Variants in SPG7 observed in about 807,000 individuals in gnomAD.
SPG7 encodes the protein SPG7 matrix AAA peptidase subunit, paraplegin, also known as mitochondrial inner membrane m-AAA protease component paraplegin.
SPG7 carries 103 observed loss-of-function variants against 81.9 expected under a neutral mutation model. That is an observed-to-expected ratio of 1.26 (90% confidence interval 1.07 to 1.48). The LOEUF is 1.48. Ranked by LOEUF, SPG7 falls within the 40% of genes most tolerant of loss-of-function variation. The pLI is 0.00. For synonymous variants in SPG7, 534 were observed against 444.2 expected (o/e 1.20, Z -2.54); for missense variants, 1,241 against 1,087.3 (o/e 1.14, Z -1.99).
In SPG7 at chr16:89,536,577, G is replaced by C. The variant is rs150127651; in HGVS notation, c.1324+3941G>C. ...TGAGGTGAGGCGGGTGAGGTCAGGT[G>C]AGGCGGGTGAGGTGAGGCAGGTGAG... On this transcript the variant is annotated intron_variant, in intron 9 of 16. Coordinates refer to ENST00000645818, the MANE Select transcript of SPG7 (RefSeq NM_003119.4). Among the ~76,000 whole-genome samples, 3,052 of 143,048 alleles carry C rather than the reference G, an allele frequency of 0.021. 225 individuals carry two copies. Among genetic ancestry groups the C allele is most frequent in the African/African-American group, 0.079 (2,892 of 36,678 alleles). 93.8% of individuals were successfully genotyped at this position (143,048 alleles called of 152,430 possible).
chr16:89,539,338 A>C (rs918448252), intron 9 of SPG7: 2 of 152,032 alleles, frequency 1.3e-5, no homozygotes, highest in African/African-American at 4.8e-5. Context: ...CATCTGTACT[A>C]AAAATACAAA....
Position 89,550,558 on chromosome 16 carries a change from G to T in SPG7, c.1728G>T (p.Ser576=). 3 of 1,614,008 alleles carry T rather than the reference G, an allele frequency of 1.9e-6. No homozygotes were observed. Among genetic ancestry groups the T allele is most frequent in the Non-Finnish European group, 2.5e-6 (3 of 1,180,002 alleles). ...AGAAAGTGGTTGCGTTTCATGAGTCGGGCCACGCCTTGGTGGGCTGGATGC... is the reference window on the plus strand; with the variant it reads ...AGAAAGTGGTTGCGTTTCATGAGTCTGGCCACGCCTTGGTGGGCTGGATGC... ...EEQKVVAFHE[S]GHALVGWMLE... The change falls in exon 13 of 17, where the codon TCG becomes TCT. Residue 576 remains serine, a synonymous_variant. Transcript: ENST00000645818.
chr16:89,548,476 C>T (rs1232846925), intron 12 of SPG7: 3 of 305,952 alleles, frequency 9.8e-6, no homozygotes, highest in Non-Finnish European at 1.3e-5. Flanking sequence ...GGGCTGAGCT[C>T]CAGCCGCTGA....
chr16:89,537,406 C>T, intron 9 of SPG7: 1 of 1,057,386 alleles, frequency 9.5e-7, no homozygotes, highest in South Asian at 3.4e-5. Flanking sequence ...CACGCGGGAG[C>T]TGCGGAAGCC....
At chr16:89,540,791 C>A in intron 9 of SPG7, 2 of 642,176 alleles carry the variant, frequency 3.1e-6, no homozygotes, top group Non-Finnish European at 3.9e-6. Flanking sequence ...CCCGCATCCA[C>A]CCTCCTGGGT....
rs543538383 is a variant in SPG7, at chr16:89,536,451, CGGTGAGGCGGGTGAGGCG to C, written c.1324+3832_1324+3849del. Among the ~76,000 whole-genome samples, 233 of 100,144 alleles carry C rather than the reference CGGTGAGGCGGGTGAGGCG, an allele frequency of 2.3e-3. 5 individuals are homozygous for C. The highest frequency in any genetic ancestry group is 7.8e-3 in the African/African-American group (222 of 28,284). 65.7% of individuals were successfully genotyped at this position (100,144 alleles called of 152,430 possible). On this transcript the variant is annotated intron_variant, in intron 9 of 16. Coordinates refer to ENST00000645818, the MANE Select transcript of SPG7 (RefSeq NM_003119.4). The stretch of plus-strand genomic sequence containing the variant: ...TCTGGCCGCAGAGTCTGAGGACTCT[CGGTGAGGCGGGTGAGGCG>C]GGTGAGGCGGGTGAGGTCAGGTGAG...
intron 11 of SPG7, chr16:89,547,010 A>T: frequency 2.1e-6 from 1 of 470,548 alleles, no homozygotes. Context: ...TTGTTTCCAG[A>T]GATAGTGGAG....
At chr16:89,551,056 G>C (rs1445961713) in intron 13 of SPG7, 2 of 247,766 alleles carry the variant, frequency 8.1e-6, no homozygotes, top group East Asian at 1.8e-4. Flanking sequence ...GGGCAAAACT[G>C]TCTCTACTTC....
chr16:89,548,416 T>A (rs573396036), intron 12 of SPG7: 31 of 358,018 alleles, frequency 8.7e-5, no homozygotes, highest in Admixed American at 8.1e-4. Context: ...AAACTAAAAA[T>A]GTCTTGCCAG....
At chr16:89,526,721 C>G (rs1444823090) in intron 5 of SPG7, 1 of 452,444 alleles carries the variant, frequency 2.2e-6, no homozygotes, top group Admixed American at 3.2e-5. Context: ...GCCTAAGCCC[C>G]TGGTGTAGGA....
chr16:89,554,644 G>A (rs1469933953), intron 16 of SPG7, 81 bp downstream of exon 16: 4 of 913,090 alleles, frequency 4.4e-6, no homozygotes, highest in East Asian at 2.6e-5. Flanking sequence ...CTCTCGTGAA[G>A]TATTTCCAAG....
chr16:89,553,252 A>G (rs2058654988), intron 14 of SPG7, 117 bp downstream of exon 14: 2 of 1,073,334 alleles, frequency 1.9e-6, no homozygotes, highest in Admixed American at 4.0e-5. Flanking sequence ...TGAATTTATT[A>G]AGTATTTTGT....
chr16:89,545,514 G>GGCTTCTCCAGGGGACACT (rs1308506005), intron 10 of SPG7: 1 of 188,664 alleles, frequency 5.3e-6, no homozygotes, highest in African/African-American at 2.4e-5. Flanking sequence ...GCTGGGACAC[G>GGCTTCTCCAGGGGACACT]GCTTCTCCAG....
intron 10 of SPG7, chr16:89,546,129 C>G (rs573781926): frequency 3.4e-6 from 1 of 296,164 alleles, no homozygotes; most frequent in African/African-American, 2.2e-5. Context: ...CTCTATCCCC[C>G]AGGCTGGAGT....
At chr16:89,510,017 C>G (rs546668412) in intron 1 of SPG7, among the ~76,000 whole-genome samples, 130 of 151,446 alleles carry the variant, frequency 8.6e-4, no homozygotes, top group African/African-American at 3.1e-3. Context: ...CTTTGTTGCC[C>G]AGCCTGGAGT....
intron 5 of SPG7, among the ~76,000 whole-genome samples, chr16:89,528,298 A>G (rs890052656): frequency 1.4e-4 from 21 of 151,786 alleles, no homozygotes; most frequent in African/African-American, 4.8e-4. Context: ...AGGCTGAGGC[A>G]GGAGGATGGC....
intron 9 of SPG7, chr16:89,537,076 T>C (rs2058434840): frequency 6.5e-7 from 1 of 1,550,346 alleles, no homozygotes; most frequent in Non-Finnish European, 8.7e-7. Context: ...GAGTGCCAGC[T>C]CTAAACAAGT....
chr16:89,545,514 G>A (rs388046), intron 10 of SPG7: 5 of 188,668 alleles, frequency 2.7e-5, no homozygotes, highest in Admixed American at 5.7e-5. Flanking sequence ...GCTGGGACAC[G>A]GCTTCTCCAG....
intron 3 of SPG7, among the ~76,000 whole-genome samples, chr16:89,513,598 G>A (rs2058051206): frequency 6.6e-6 from 1 of 152,150 alleles, no homozygotes; most frequent in Admixed American, 6.6e-5. Flanking sequence ...GCCAGGCGTG[G>A]TGGTGTGCAC....
Sources: gnomAD v4.1 joint callset for allele counts (sites outside exome capture counted in the v4.1 genomes callset) on GRCh38, gnomAD v4.1.1 for gene constraint, MANE v1.5 for transcripts, NCBI Gene and HGNC (gene_info 2026-07-23, HGNC 2026-07-21) for gene names.